Variants in POMZP3 observed in about 807,000 individuals in gnomAD.
POMZP3 encodes the protein POM121 and ZP3 fusion protein.
A neutral mutation model predicts 19.8 loss-of-function variants in POMZP3; 10 were observed. The ratio of observed to expected loss-of-function variants is 0.51; its 90% CI spans 0.31 to 0.86. The LOEUF is 0.86. Among genes scored for constraint, POMZP3 ranks in the 40% least tolerant of loss-of-function variants. The pLI is 0.04. For synonymous variants in POMZP3, 57 were observed against 85.8 expected (o/e 0.66, Z 1.85); for missense variants, 152 against 228.1 (o/e 0.67, Z 2.15).
Position 76,620,317 on chromosome 7 carries a change from G to C in POMZP3, c.228-2017C>G, listed in dbSNP as rs551868294. Among the ~76,000 whole-genome samples the C allele has an allele frequency of 3.2e-4, 19 of 59,834 alleles. 5 individuals carry two copies. In the South Asian group the frequency reaches 0.013, roughly 40 times the overall value. 39.3% of individuals were successfully genotyped at this position (59,834 alleles called of 152,430 possible). ...CACTCCAGCCTGGGCAACAGAGTGA[G>C]ACTGTCTCAAATAAAAAAAAAAAAA... On this transcript the variant is annotated intron_variant, in intron 3 of 6. Transcript: ENST00000310842.
chr7:76,615,927 C>A (rs1209396621), intron 4 of POMZP3, among the ~76,000 whole-genome samples: 1 of 67,734 alleles, frequency 1.5e-5, no homozygotes, highest in Non-Finnish European at 2.8e-5. Context: ...TTGCAGTGAC[C>A]TAAGATTGGG....
In POMZP3 at chr7:76,616,643, T is replaced by A. The variant is rs1447948287; in HGVS notation, c.345+1540A>T. The stretch of plus-strand genomic sequence containing the variant: ...AGGCCGATGCAGGTGGATCACAAGG[T>A]CAGGAGTTCCAGACCAGCCTGGCCA... On this transcript the variant is annotated intron_variant, in intron 4 of 6. Coordinates refer to ENST00000310842, the MANE Select transcript of POMZP3 (RefSeq NM_012230.5). Among the ~76,000 whole-genome samples, 6 of 91,590 alleles carry A rather than the reference T, an allele frequency of 6.6e-5. 2 individuals are homozygous for A. The highest frequency in any genetic ancestry group is 6.5e-4 in the Admixed American group (6 of 9,254). The allele number at this position is 91,590 out of a possible 152,430, so 60.1% of individuals were successfully genotyped here.
intron 3 of POMZP3, among the ~76,000 whole-genome samples, chr7:76,620,848 G>A (rs1815514064): frequency 1.4e-5 from 2 of 142,178 alleles, no homozygotes; most frequent in South Asian, 4.5e-4. Flanking sequence ...TTACTCCTCA[G>A]GGCTGTAAAG....
intron 1 of POMZP3, 189 bp from the exon 2 acceptor site, chr7:76,626,404 A>C (rs1442920504): frequency 4.2e-5 from 26 of 618,088 alleles, no homozygotes; most frequent in Non-Finnish European, 7.0e-5. Context: ...CAGCTGCTTA[A>C]CAGCTGTCTC....
At chr7:76,624,691 C>G (rs1365978056) in intron 3 of POMZP3, among the ~76,000 whole-genome samples, 2 of 149,954 alleles carry the variant, frequency 1.3e-5, no homozygotes, top group African/African-American at 4.9e-5. Flanking sequence ...GGTGATCCAC[C>G]TGCCTGGGCC....
intron 3 of POMZP3, among the ~76,000 whole-genome samples, chr7:76,621,996 C>T (rs1165149213): frequency 7.5e-6 from 1 of 134,118 alleles, no homozygotes; most frequent in Admixed American, 7.6e-5. Flanking sequence ...GTGAAGAAGC[C>T]GGTTAAAACC....
At chr7:76,618,488 A>G (rs1636620) in intron 3 of POMZP3, 188 bp from the exon 4 acceptor site, 487,817 of 817,926 alleles carry the variant, frequency 0.6, 147,171 homozygotes, top group African/African-American at 0.79. Flanking sequence ...TGGGTGCAGC[A>G]GTGCACACCT....
At chr7:76,620,393 C>T (rs1262838565) in intron 3 of POMZP3, among the ~76,000 whole-genome samples, 1 of 123,250 alleles carries the variant, frequency 8.1e-6, no homozygotes, top group African/African-American at 3.3e-5. Flanking sequence ...TATTTGCAAA[C>T]TTTTCAGATG....
rs551999681 is a variant in POMZP3 at position 76,611,492 on chromosome 7, G to T, written c.537C>A (p.Ser179Arg). 2.6e-5 allele frequency: 42 copies of T among 1,604,242 alleles called. 2 individuals carry two copies. The South Asian group carries it at 4.1e-4, about 16-fold the overall frequency. Reference sequence around the variant, plus strand: ...ACAGGGAAGCAGACGTGGACCACTGGCTCACGACACGAGGCTGCCTCCTGG... The same window carrying T: ...ACAGGGAAGCAGACGTGGACCACTGTCTCACGACACGAGGCTGCCTCCTGG... ...SHSRRQPRVV[S>R]QWSTSASL Residue 179 changes from serine (S) to arginine (R), a missense_variant, in exon 6 of 7, where the codon AGC (serine) becomes AGA (arginine). By Grantham distance (110) the Ser-to-Arg change is moderately radical. This residue lies in a region of POMZP3 where 65 missense variants were observed against 86.2 expected (regional missense o/e 0.75). Coordinates refer to ENST00000310842, the MANE Select transcript of POMZP3 (RefSeq NM_012230.5).
At position 76,625,606 on chromosome 7, in the gene POMZP3, A is replaced by T. The variant is rs1815835280; in HGVS notation, c.143T>A (p.Leu48Gln). The T allele has an allele frequency of 6.2e-7, 1 of 1,613,744 alleles. No individual in the cohort carries two copies. The highest frequency in any genetic ancestry group is 1.3e-5 in the African/African-American group (1 of 74,994). The change falls in exon 3 of 7, where the codon CTG becomes CAG. Residue 48 changes from leucine to glutamine, a missense_variant. Leu to Gln is a moderately radical substitution (Grantham distance 113). Around this residue, in one of 4 missense-constraint regions of POMZP3, gnomAD observed 70 missense variants for 64.1 expected, o/e 1.09. Transcript: ENST00000310842. ...CTTCTTCTTCTCTTTGAGGGCACTC[A>T]GTACAGTCTCCTTTGCACATGGGTC... ...APDPCAKETV[L>Q]SALKEKKKKR...
chr7:76,621,308 C>G (rs1815545764), intron 3 of POMZP3: 1 of 149,322 alleles, frequency 6.7e-6, no homozygotes, highest in Non-Finnish European at 1.5e-5. Context: ...AATGTTCTAG[C>G]CCTTAGCATT....
Position 76,626,925 on chromosome 7 carries a change from A to C in POMZP3, c.-369T>G. On this transcript the variant is annotated 5_prime_UTR_variant, in exon 1 of 7. Transcript: ENST00000310842. ...AACTGCCCATGAGGAGCAGTTCGGCAGGGTCAGGTCCTTCGAGCAGGGTCC... is the reference window on the plus strand; with the variant it reads ...AACTGCCCATGAGGAGCAGTTCGGCCGGGTCAGGTCCTTCGAGCAGGGTCC... 7.2e-7 allele frequency: 1 copy of C among 1,398,448 alleles called. No homozygotes were observed. The highest frequency in any genetic ancestry group is 1.5e-5 in the South Asian group (1 of 66,432). The allele number at this position is 1,398,448 out of a possible 1,614,324, so 86.6% of individuals were successfully genotyped here.
chr7:76,610,480 C>T (rs1390377855), intron 6 of POMZP3, among the ~76,000 whole-genome samples: 2 of 151,752 alleles, frequency 1.3e-5, no homozygotes, highest in Non-Finnish European at 2.9e-5. Context: ...CGGCAAGACC[C>T]GTCTCTACTG....
intron 3 of POMZP3, among the ~76,000 whole-genome samples, chr7:76,619,784 C>G (rs2116866120): frequency 8.2e-6 from 1 of 121,698 alleles, no homozygotes; most frequent in African/African-American, 3.5e-5. Context: ...CTGGCTAGGT[C>G]CAAGTGGGAG....
chr7:76,610,583 CA>C (rs1197102704), intron 6 of POMZP3, among the ~76,000 whole-genome samples: 1 of 151,874 alleles, frequency 6.6e-6, no homozygotes, highest in Non-Finnish European at 1.5e-5. Flanking sequence ...ACCTGGGAGG[CA>C]GAGGTTTCAG....
chr7:76,624,929 G>A lies in POMZP3; in HGVS notation c.227+593C>T, dbSNP rs187269345. On this transcript the variant is annotated intron_variant, in intron 3 of 6. Transcript: ENST00000310842. ...GGGCAGATCACGAGGTCAGGAGTTCGAGACCATCCTGGCCAACATGGTGAA... is the reference window on the plus strand; with the variant it reads ...GGGCAGATCACGAGGTCAGGAGTTCAAGACCATCCTGGCCAACATGGTGAA... Among the ~76,000 whole-genome samples, 519 of 150,768 alleles carry A rather than the reference G, an allele frequency of 3.4e-3. 1 individual carries two copies. Among genetic ancestry groups the A allele is most frequent in the African/African-American group, 0.012 (480 of 41,142 alleles).
At chr7:76,619,046 C>T (rs1815403670) in intron 3 of POMZP3, among the ~76,000 whole-genome samples, 1 of 152,142 alleles carries the variant, frequency 6.6e-6, no homozygotes, top group Non-Finnish European at 1.5e-5. Context: ...TCTCAGCCTC[C>T]TAAAGTGCTG....
At chr7:76,624,526 A>G (rs1428927258) in intron 3 of POMZP3, among the ~76,000 whole-genome samples, 1 of 151,300 alleles carries the variant, frequency 6.6e-6, no homozygotes, top group Non-Finnish European at 1.5e-5. Flanking sequence ...GCTCGCTGCA[A>G]CCTCCGCCTC....
rs1815957329 is a variant in POMZP3, at chr7:76,627,215, C to G, written c.-659G>C. 1 of 1,430,090 alleles carries G rather than the reference C, an allele frequency of 7.0e-7. No homozygotes were observed. The highest frequency in any genetic ancestry group is 9.2e-7 in the Non-Finnish European group (1 of 1,082,004). The allele number at this position is 1,430,090 out of a possible 1,614,324, so 88.6% of individuals were successfully genotyped here. On this transcript the variant is annotated 5_prime_UTR_variant, in exon 1 of 7. Transcript: ENST00000310842. ...CCTGACACTCGCTATCGGCCGCCGC[C>G]GCTCGCCTGCTCCAGCCGCCGCAGC...
Sources: allele counts gnomAD v4.1 joint callset (sites outside exome capture counted in the v4.1 genomes callset), GRCh38; gene constraint gnomAD v4.1.1; regional missense constraint gnomAD v4.1.1; transcripts MANE v1.5; gene names NCBI Gene and HGNC (gene_info 2026-07-23, HGNC 2026-07-21).